WDR72: variants seen among roughly 807,000 people sequenced by gnomAD.
WDR72 encodes the protein WD repeat-containing protein 72.
WDR72 carries 120 observed loss-of-function variants against 124.2 expected under a neutral mutation model. The observed-to-expected ratio is 0.97, with a 90% CI of 0.83 to 1.12. The LOEUF is 1.12. WDR72 is among the 50% of genes most tolerant of loss of function. WDR72 has a pLI of 0.00. For synonymous variants in WDR72, 452 were observed against 441.7 expected (o/e 1.02, Z -0.29); for missense variants, 1,387 against 1,278.8 (o/e 1.08, Z -1.29).
intron 17 of WDR72, among the ~76,000 whole-genome samples, chr15:53,601,357 A>C (rs1275464805): frequency 6.6e-6 from 1 of 152,190 alleles, no homozygotes; most frequent in Admixed American, 6.5e-5. Flanking sequence ...CTCCTGAAGA[A>C]AGCACTAAAT....
intron 18 of WDR72, among the ~76,000 whole-genome samples, chr15:53,562,202 T>G (rs924885584): frequency 6.6e-6 from 1 of 151,832 alleles, no homozygotes; most frequent in African/African-American, 2.4e-5. Context: ...ATCCAGAACT[T>G]AAAACCAGTT....
chr15:53,620,192 T>A (rs1026309328), intron 14 of WDR72, among the ~76,000 whole-genome samples: 1 of 152,036 alleles, frequency 6.6e-6, no homozygotes, highest in Non-Finnish European at 1.5e-5. Flanking sequence ...TTTTGCTGTT[T>A]CAATAAGCTG....
chr15:53,616,059 G>A lies in WDR72; in HGVS notation c.2147C>T (p.Ala716Val). The A allele has an allele frequency of 6.2e-7, 1 of 1,611,762 alleles. No homozygotes were observed. The highest frequency in any genetic ancestry group is 8.5e-7 in the Non-Finnish European group (1 of 1,178,694). ...TGTCTTCTTCTCCACTGTGCTCTTG[G>A]CTCTTCTCAGGACCTCACCACCATA... Reference protein sequence around the residue: ...SFYGGEVLRRAKSTVEKKTLT... With the variant: ...SFYGGEVLRRVKSTVEKKTLT... The change falls in exon 15 of 20, where the codon GCC (alanine) becomes GTC (valine). Residue 716 changes from alanine to valine, a missense_variant. Ala to Val is a moderately conservative substitution (Grantham distance 64, BLOSUM62 0). Transcript: ENST00000360509.
chr15:53,729,041 T>C (rs2018124473), intron 2 of WDR72, among the ~76,000 whole-genome samples: 1 of 152,122 alleles, frequency 6.6e-6, no homozygotes, highest in South Asian at 2.1e-4. Flanking sequence ...CCTATTCCTA[T>C]TCTCCAATCC....
chr15:53,517,736 G>A lies in WDR72; in HGVS notation c.3272C>T (p.Ser1091Leu). ...SESPGEPRHH[S>L]WIAKVCPCKV... ...GCAGGGGCAGACCTTTGCTATCCAT[G>A]AATGATGCCTTGGCTCACCTAGGAA... The change falls in exon 20 of 20, where the codon TCA (serine) becomes TTA (leucine). Residue 1091 changes from serine to leucine, a missense_variant. Physicochemically the swap from Ser to Leu is moderately radical, Grantham distance 145. Coordinates refer to ENST00000360509, the MANE Select transcript of WDR72 (RefSeq NM_182758.4). 6.2e-7 allele frequency: 1 copy of A among 1,612,884 alleles called. No homozygotes were observed. The highest frequency in any genetic ancestry group is 8.5e-7 in the Non-Finnish European group (1 of 1,179,198).
intron 18 of WDR72, among the ~76,000 whole-genome samples, chr15:53,535,648 A>G (rs1892722760): frequency 1.3e-5 from 2 of 152,184 alleles, no homozygotes; most frequent in African/African-American, 4.8e-5. Flanking sequence ...AAGTTGTCCA[A>G]TTTAGAGGCA....
At chr15:53,695,372 G>A (rs549031524) in intron 13 of WDR72, among the ~76,000 whole-genome samples, 1 of 152,228 alleles carries the variant, frequency 6.6e-6, no homozygotes, top group East Asian at 1.9e-4. Context: ...ATTTATTTCT[G>A]GTATGTAATT....
chr15:53,530,169 A>G (rs1056818145), intron 18 of WDR72, among the ~76,000 whole-genome samples: 98 of 151,520 alleles, frequency 6.5e-4, no homozygotes, highest in Middle Eastern at 3.4e-3. Flanking sequence ...TCTTTACCAA[A>G]TTGTAGATAA....
intron 14 of WDR72, among the ~76,000 whole-genome samples, chr15:53,632,801 T>G (rs1293177350): frequency 6.6e-6 from 1 of 152,246 alleles, no homozygotes; most frequent in Non-Finnish European, 1.5e-5. Context: ...GGTTTCAGAC[T>G]TGTATGGGAC....
At chr15:53,562,497 G>C (rs1894158007) in intron 18 of WDR72, among the ~76,000 whole-genome samples, 3 of 151,910 alleles carry the variant, frequency 2.0e-5, no homozygotes, top group Admixed American at 6.6e-5. Context: ...AGGTGATGCT[G>C]ATGCTGCTGG....
chr15:53,521,179 T>C (rs1368038242), intron 19 of WDR72, among the ~76,000 whole-genome samples: 1 of 152,040 alleles, frequency 6.6e-6, no homozygotes, highest in African/African-American at 2.4e-5. Flanking sequence ...TAAAACAAAA[T>C]AAAACTGCTT....
At chr15:53,612,603 G>C (rs2013590201) in intron 16 of WDR72, among the ~76,000 whole-genome samples, 1 of 152,080 alleles carries the variant, frequency 6.6e-6, no homozygotes, top group South Asian at 2.1e-4. Context: ...GAGTTAAGCA[G>C]GGGGTGAGCA....
At chr15:53,743,083 A>G (rs2018551284) in intron 1 of WDR72, among the ~76,000 whole-genome samples, 1 of 152,174 alleles carries the variant, frequency 6.6e-6, no homozygotes. Context: ...CAGTAGGTAA[A>G]AAAACAATGT....
intron 18 of WDR72, among the ~76,000 whole-genome samples, chr15:53,581,583 A>C (rs921885310): frequency 2.0e-5 from 3 of 152,106 alleles, no homozygotes; most frequent in Non-Finnish European, 4.4e-5. Context: ...GATGGAAGTT[A>C]CTGATGAACC....
chr15:53,738,791 G>A (rs907186197), intron 1 of WDR72, among the ~76,000 whole-genome samples: 35 of 152,112 alleles, frequency 2.3e-4, no homozygotes, highest in African/African-American at 8.2e-4. Flanking sequence ...ATTTTTAGTA[G>A]TGATGGCATT....
intron 2 of WDR72, 114 bp from the exon 3 acceptor site, chr15:53,723,022 C>T (rs2017922785): frequency 9.8e-7 from 1 of 1,023,742 alleles, no homozygotes; most frequent in East Asian, 2.5e-5. Context: ...TTGTTGTATA[C>T]AAGTTTTAAG....
At chr15:53,571,098 C>T (rs1358364570) in intron 18 of WDR72, among the ~76,000 whole-genome samples, 3 of 151,906 alleles carry the variant, frequency 2.0e-5, no homozygotes, top group African/African-American at 7.3e-5. Flanking sequence ...AGTAAGTACA[C>T]AGGGACACAA....
chr15:53,712,983 C>T (rs1567043578), intron 6 of WDR72, 92 bp from the exon 7 acceptor site: 2 of 1,442,334 alleles, frequency 1.4e-6, no homozygotes, highest in Non-Finnish European at 1.9e-6. Context: ...TCAAGTAGAT[C>T]ACACCATTAT....
chr15:53,599,263 C>G (rs1187463172), intron 17 of WDR72, among the ~76,000 whole-genome samples: 2 of 152,106 alleles, frequency 1.3e-5, no homozygotes, highest in East Asian at 3.9e-4. Flanking sequence ...ATTACTTATT[C>G]ATGATGAACA....
Sources: allele counts gnomAD v4.1 joint callset (sites outside exome capture counted in the v4.1 genomes callset), GRCh38; gene constraint gnomAD v4.1.1; transcripts MANE v1.5; gene names NCBI Gene and HGNC (gene_info 2026-07-23, HGNC 2026-07-21).